CACNA1E: variants seen among roughly 807,000 people sequenced by gnomAD.
The protein encoded by CACNA1E is calcium voltage-gated channel subunit alpha1 E, also known as voltage-dependent R-type calcium channel subunit alpha-1E.
Under a neutral mutation model 259.2 loss-of-function variants are expected in CACNA1E, and 40 were observed. That is an observed-to-expected ratio of 0.15 (90% CI 0.12 to 0.20). CACNA1E has a LOEUF of 0.20. CACNA1E is among the 10% of genes least tolerant of loss of function. CACNA1E has a pLI of 1.00. For synonymous variants in CACNA1E, 1,104 were observed against 1,138.5 expected, an observed-to-expected ratio of 0.97 and a Z score of 0.61; for missense variants, 1,874 against 3,040.1, an observed-to-expected ratio of 0.62 and a Z score of 9.02.
chr1:181,482,667 C>T (rs947684367), upstream of CACNA1E, among the ~76,000 whole-genome samples: 1 of 152,278 alleles, frequency 6.6e-6, no homozygotes, highest in Non-Finnish European at 1.5e-5. Context: ...CATTCTCCTT[C>T]CGCATCTTCT....
In CACNA1E at chr1:181,518,113, T is replaced by G. The variant is rs115044212; in HGVS notation, c.512+6603T>G. ...GGGTAGAGGGAGGAGACATGAGAAC[T>G]TGTTATTTAGGAGATGGGGAAACCG... On this transcript the variant is annotated intron_variant, in intron 3 of 47. Coordinates refer to ENST00000367573, the MANE Select transcript of CACNA1E (RefSeq NM_001205293.3). Among the ~76,000 whole-genome samples the G allele has an allele frequency of 9.7e-3, 1,468 of 152,098 alleles. 15 individuals carry two copies. The highest frequency in any genetic ancestry group is 0.044 in the Middle Eastern group (13 of 294).
At chr1:181,574,381 T>C (rs577403342) in intron 3 of CACNA1E, among the ~76,000 whole-genome samples, 38 of 152,180 alleles carry the variant, frequency 2.5e-4, no homozygotes, top group Non-Finnish European at 5.1e-4. Flanking sequence ...CAAACACATG[T>C]ATGTTTGAAT....
At chr1:181,759,395 C>CTGTGTGTGTGTGTGTGTGTGTGTG (rs10677275) in intron 32 of CACNA1E, among the ~76,000 whole-genome samples, 20 of 146,994 alleles carry the variant, frequency 1.4e-4, no homozygotes, top group Middle Eastern at 3.5e-3. Context: ...AGGGGTGTGT[C>CTGTGTGTGTGTGTGTGTGTGTGTG]TGTGTGTGTG....
At chr1:181,716,524 G>T (rs998159548) in intron 10 of CACNA1E, among the ~76,000 whole-genome samples, 1 of 152,144 alleles carries the variant, frequency 6.6e-6, no homozygotes, top group Admixed American at 6.5e-5. Context: ...GAAGCCATTT[G>T]CTTAACAACA....
Position 181,717,627 on chromosome 1 carries a change from T to A in CACNA1E, c.1525+325T>A, listed in dbSNP as rs12038129. 7.8e-4 allele frequency among the ~76,000 whole-genome samples: 118 copies of A among 152,254 alleles called. 1 individual carries two copies. The East Asian group carries it at 8.3e-3, about 11-fold the overall frequency. On this transcript the variant is annotated intron_variant, in intron 11 of 47. Coordinates refer to ENST00000367573, the MANE Select transcript of CACNA1E (RefSeq NM_001205293.3). ...CATTGAAATCCTGGGCAGGAAGTTC[T>A]CAGGGCAATGGAGACCTCAAATAGA... is the stretch of plus-strand genomic sequence containing the variant.
At chr1:181,598,505 G>C (rs115381404) in intron 6 of CACNA1E, among the ~76,000 whole-genome samples, 2,728 of 152,226 alleles carry the variant, frequency 0.018, 87 homozygotes, top group African/African-American at 0.063. Context: ...CCGTGTTGAG[G>C]AAGTGGCCAC....
At chr1:181,377,420 T>G (rs1422034956) in intron 1 of CACNA1E, among the ~76,000 whole-genome samples, 1 of 152,130 alleles carries the variant, frequency 6.6e-6, no homozygotes, top group Non-Finnish European at 1.5e-5. Flanking sequence ...GTTCATATGG[T>G]ATTTGTGGTG....
At position 181,733,731 on chromosome 1, in the gene CACNA1E, G is replaced by T; in HGVS notation, c.3243G>T (p.Val1081=). The T allele has an allele frequency of 6.4e-7, 1 of 1,567,180 alleles. No homozygotes were observed. The highest frequency in any genetic ancestry group is 8.6e-7 in the Non-Finnish European group (1 of 1,156,072). Reference sequence around the variant, plus strand: ...CCATCCCCGACGTGGACCCCTTGGTGGACTCAACCGTGGTGCACAGTGAGA... The same window carrying T: ...CCATCCCCGACGTGGACCCCTTGGTTGACTCAACCGTGGTGCACAGTGAGA... ...TVAIPDVDPL[V]DSTVVHISNK... The change falls in exon 21 of 48, where the codon GTG becomes GTT. Residue 1081 remains valine (V), a synonymous_variant. Coordinates refer to ENST00000367573, the MANE Select transcript of CACNA1E (RefSeq NM_001205293.3).
In CACNA1E at chr1:181,726,177, C is replaced by G; in HGVS notation, c.2240+15C>G. 6.3e-7 allele frequency: 1 copy of G among 1,583,954 alleles called. No individual in the cohort carries two copies. Among genetic ancestry groups the G allele is most frequent in the Non-Finnish European group, 8.6e-7 (1 of 1,156,428 alleles). On this transcript the variant is annotated intron_variant, in intron 18 of 47. Coordinates refer to ENST00000367573, the MANE Select transcript of CACNA1E (RefSeq NM_001205293.3). ...CCTTCGATCGAGTGAGTCAGCTGCC[C>G]CCTTCACTGATCCCTGAGCTCCTGT...
Position 181,755,956 on chromosome 1 carries a change from A to T in CACNA1E, c.3990A>T (p.Ile1330=). The T allele has an allele frequency of 1.2e-6, 2 of 1,612,778 alleles. No individual in the cohort carries two copies. Among genetic ancestry groups the T allele is most frequent in the Middle Eastern group, 1.7e-4 (1 of 6,050 alleles). Reference sequence around the variant, plus strand: ...TCTTTCATTTCTGCTCTGGTTTTAGAGGCAACTATGTAGATCATGAGAAAA... The same window carrying T: ...TCTTTCATTTCTGCTCTGGTTTTAGTGGCAACTATGTAGATCATGAGAAAA... ...DSSKDTEKEC[I]GNYVDHEKNK... is the part of the protein sequence containing the mutation. Residue 1330 remains isoleucine (I), a splice_region_variant and synonymous_variant, in exon 29 of 48, where the codon ATA becomes ATT. Coordinates refer to ENST00000367573, the MANE Select transcript of CACNA1E (RefSeq NM_001205293.3).
intron 1 of CACNA1E, among the ~76,000 whole-genome samples, chr1:181,498,416 G>A (rs1664962112): frequency 6.6e-6 from 1 of 152,174 alleles, no homozygotes; most frequent in Non-Finnish European, 1.5e-5. Context: ...GAGCTCCTAT[G>A]CTTGACAATT....
intron 7 of CACNA1E, among the ~76,000 whole-genome samples, chr1:181,694,258 T>C (rs753459090): frequency 2.0e-5 from 3 of 152,210 alleles, no homozygotes; most frequent in African/African-American, 4.8e-5. Context: ...GGAGAAAGCA[T>C]ACAGCACCTT....
At chr1:181,555,869 G>A (rs189078013) in intron 3 of CACNA1E, among the ~76,000 whole-genome samples, 8 of 152,320 alleles carry the variant, frequency 5.3e-5, no homozygotes, top group African/African-American at 1.7e-4. Context: ...AGTCTGAAAG[G>A]CATGCAGCCT....
intron 6 of CACNA1E, among the ~76,000 whole-genome samples, chr1:181,630,435 T>C (rs1558204493): frequency 6.6e-6 from 1 of 151,284 alleles, no homozygotes; most frequent in Non-Finnish European, 1.5e-5. Flanking sequence ...TTACTTTGGT[T>C]ATTATTTAAA....
chr1:181,410,869 A>G (rs1657794487), intron 1 of CACNA1E, among the ~76,000 whole-genome samples: 1 of 152,184 alleles, frequency 6.6e-6, no homozygotes, highest in African/African-American at 2.4e-5. Context: ...GTGACTTGCA[A>G]TTTGACTTGC....
chr1:181,576,090 T>A (rs532074919), intron 3 of CACNA1E, among the ~76,000 whole-genome samples: 16 of 152,206 alleles, frequency 1.1e-4, no homozygotes, highest in Non-Finnish European at 2.2e-4. Context: ...AGTCCCCCCG[T>A]TTCTGACGAC....
intron 2 of CACNA1E, among the ~76,000 whole-genome samples, chr1:181,430,975 GAA>G (rs1411214610): frequency 2.6e-5 from 4 of 152,062 alleles, no homozygotes; most frequent in African/African-American, 9.7e-5. Flanking sequence ...TAGATTTCTA[GAA>G]ACACACACAC....
intron 1 of CACNA1E, among the ~76,000 whole-genome samples, chr1:181,318,477 C>T (rs1251401554): frequency 6.6e-6 from 1 of 152,200 alleles, no homozygotes; most frequent in African/African-American, 2.4e-5. Flanking sequence ...AGGGTTCTCA[C>T]CAAGCAGTGA....
chr1:181,724,436 T>C (rs1558308883), intron 16 of CACNA1E, 34 bp from the exon 17 acceptor site: 1 of 1,591,130 alleles, frequency 6.3e-7, no homozygotes. Context: ...ACTTTTGCTT[T>C]TCTTATTTGC....
Sources: allele counts gnomAD v4.1 joint callset (sites outside exome capture counted in the v4.1 genomes callset), GRCh38; gene constraint gnomAD v4.1.1; transcripts MANE v1.5; gene names NCBI Gene and HGNC (gene_info 2026-07-23, HGNC 2026-07-21).